Variants in PPM1H observed in about 807,000 individuals in gnomAD.
The protein encoded by PPM1H is protein phosphatase 1H.
In PPM1H, 27 loss-of-function variants were observed where a neutral mutation model predicts 54.9. That is an observed-to-expected ratio of 0.49 (90% confidence interval 0.36 to 0.68). The LOEUF (loss-of-function observed/expected upper bound fraction) is 0.68, where lower values mean the gene tolerates loss of function less well. Ranked by LOEUF, PPM1H falls within the 30% of genes least tolerant of loss-of-function variation. The pLI is 0.00. For missense variants in PPM1H, 596 were observed against 667.8 expected (o/e 0.89, Z 1.19); for synonymous variants, 305 against 270.8 (o/e 1.13, Z -1.24).
intron 2 of PPM1H, among the ~76,000 whole-genome samples, chr12:62,802,417 C>T (rs1280487632): frequency 6.6e-6 from 1 of 152,162 alleles, no homozygotes; most frequent in East Asian, 1.9e-4. Flanking sequence ...GCCTCCCCAC[C>T]TAGCAAGGGA....
In PPM1H at chr12:62,896,810, T is replaced by C. The variant is rs764433619; in HGVS notation, c.245+37682A>G. ...AAAGACACATGCTCACATATGTTTA[T>C]TGCGGCACTATTCACAATAGCAAAG... On this transcript the variant is annotated intron_variant, in intron 1 of 9. Transcript: ENST00000228705. Among the ~76,000 whole-genome samples, 83 of 152,150 alleles carry C rather than the reference T, an allele frequency of 5.5e-4. 1 individual carries two copies. Among genetic ancestry groups the C allele is most frequent in the Non-Finnish European group, 9.0e-4 (61 of 68,042 alleles).
In PPM1H at chr12:62,931,850, TAAG is replaced by T. The variant is rs1394647746; in HGVS notation, c.245+2639_245+2641del. ...TTAGCCATTACCAATAGTATATATT[TAAG>T]AAGAATGAGGTAATTCTGTGTTTAC... On this transcript the variant is annotated intron_variant, in intron 1 of 9. Coordinates refer to ENST00000228705, the MANE Select transcript of PPM1H (RefSeq NM_020700.2). 3.3e-5 allele frequency among the ~76,000 whole-genome samples: 5 copies of T among 152,320 alleles called. No individual in the cohort carries two copies. In the South Asian group the frequency reaches 6.2e-4, roughly 19 times the overall value.
At chr12:62,762,934 G>C (rs1428418052) in intron 4 of PPM1H, among the ~76,000 whole-genome samples, 1 of 152,150 alleles carries the variant, frequency 6.6e-6, no homozygotes, top group Non-Finnish European at 1.5e-5. Context: ...TGGACCTGAA[G>C]AACTGTGCAT....
At chr12:62,793,561 C>A (rs939054854) in intron 3 of PPM1H, among the ~76,000 whole-genome samples, 6 of 151,842 alleles carry the variant, frequency 4.0e-5, no homozygotes, top group African/African-American at 1.5e-4. Flanking sequence ...CCCGTCTCTA[C>A]TAAAAATACA....
At chr12:62,893,860 G>C (rs909472005) in intron 1 of PPM1H, among the ~76,000 whole-genome samples, 2 of 152,124 alleles carry the variant, frequency 1.3e-5, no homozygotes, top group Non-Finnish European at 2.9e-5. Context: ...CTAGGGGTTA[G>C]GACTTCAACA....
intron 2 of PPM1H, among the ~76,000 whole-genome samples, chr12:62,827,933 G>A (rs990651392): frequency 2.6e-5 from 4 of 152,040 alleles, no homozygotes; most frequent in African/African-American, 7.3e-5. Flanking sequence ...CTCCCCAATC[G>A]ACTCAGCATT....
intron 5 of PPM1H, among the ~76,000 whole-genome samples, chr12:62,721,256 A>T (rs1245597503): frequency 6.6e-6 from 1 of 152,154 alleles, no homozygotes; most frequent in Non-Finnish European, 1.5e-5. Flanking sequence ...TCTCTCACTG[A>T]TTCTCATGAA....
At chr12:62,873,046 CA>C (rs972694762) in intron 1 of PPM1H, among the ~76,000 whole-genome samples, 1 of 151,954 alleles carries the variant, frequency 6.6e-6, no homozygotes, top group African/African-American at 2.4e-5. Flanking sequence ...AATAAGGAAG[CA>C]AAAAAACAGA....
At chr12:62,874,535 T>C (rs10506455) in intron 1 of PPM1H, among the ~76,000 whole-genome samples, 4,879 of 152,110 alleles carry the variant, frequency 0.032, 282 homozygotes, top group African/African-American at 0.11. Flanking sequence ...CCATATTACT[T>C]TGAGCCAAAT....
intron 1 of PPM1H, among the ~76,000 whole-genome samples, chr12:62,873,211 T>C (rs2121012174): frequency 6.6e-6 from 1 of 152,338 alleles, no homozygotes; most frequent in South Asian, 2.1e-4. Context: ...CATTAGTACC[T>C]GTCTTACATC....
intron 9 of PPM1H, among the ~76,000 whole-genome samples, chr12:62,665,184 A>G (rs574947144): frequency 1.4e-4 from 22 of 152,192 alleles, no homozygotes; most frequent in African/African-American, 5.3e-4. Flanking sequence ...AGTAGCTGGA[A>G]TTACACACAT....
At chr12:62,796,711 A>C (rs1211180161) in intron 3 of PPM1H, among the ~76,000 whole-genome samples, 1 of 151,936 alleles carries the variant, frequency 6.6e-6, no homozygotes, top group African/African-American at 2.4e-5. Flanking sequence ...TTGGTGATCA[A>C]CTCACCCTTC....
intron 8 of PPM1H, among the ~76,000 whole-genome samples, chr12:62,676,756 C>G (rs921862977): frequency 1.3e-5 from 2 of 152,132 alleles, no homozygotes; most frequent in African/African-American, 4.8e-5. Context: ...CTGAGGGTGG[C>G]TCAAGGTGGG....
chr12:62,904,813 C>T (rs1293636631), intron 1 of PPM1H, among the ~76,000 whole-genome samples: 2 of 152,138 alleles, frequency 1.3e-5, no homozygotes, highest in Non-Finnish European at 2.9e-5. Context: ...TAGTAGCGTG[C>T]CCAAAATCAG....
At chr12:62,922,766 T>A (rs1288692316) in intron 1 of PPM1H, among the ~76,000 whole-genome samples, 1 of 152,176 alleles carries the variant, frequency 6.6e-6, no homozygotes, top group African/African-American at 2.4e-5. Flanking sequence ...AAGCTGTTAG[T>A]GGACAATCTC....
At chr12:62,757,257 G>A (rs2076482152) in intron 4 of PPM1H, among the ~76,000 whole-genome samples, 1 of 152,172 alleles carries the variant, frequency 6.6e-6, no homozygotes, top group African/African-American at 2.4e-5. Flanking sequence ...AAAATCAGGA[G>A]TGTGATTTTT....
chr12:62,769,923 C>T (rs1422339515), intron 4 of PPM1H, among the ~76,000 whole-genome samples: 14 of 152,054 alleles, frequency 9.2e-5, no homozygotes, highest in Non-Finnish European at 7.4e-5. Context: ...GGGGAATAGT[C>T]GATTATCTAT....
chr12:62,760,042 A>G (rs1240528665), intron 4 of PPM1H, among the ~76,000 whole-genome samples: 2 of 152,144 alleles, frequency 1.3e-5, no homozygotes, highest in Admixed American at 6.5e-5. Context: ...TGTGTTCTCA[A>G]GAACTTAAAA....
chr12:62,768,247 G>A (rs75996818), intron 4 of PPM1H, among the ~76,000 whole-genome samples: 3,538 of 152,234 alleles, frequency 0.023, 128 homozygotes, highest in African/African-American at 0.081. Flanking sequence ...AGGGCAGCTA[G>A]TCAGCTCCAC....
Sources: allele counts gnomAD v4.1 joint callset (sites outside exome capture counted in the v4.1 genomes callset), GRCh38; gene constraint gnomAD v4.1.1; transcripts MANE v1.5; gene names NCBI Gene and HGNC (gene_info 2026-07-23, HGNC 2026-07-21).